Variants in LGR4 observed in about 807,000 individuals in gnomAD.
LGR4 encodes the protein leucine-rich repeat-containing G protein-coupled receptor 4.
In LGR4, 44 loss-of-function variants were observed where a neutral mutation model predicts 84.8. The observed-to-expected ratio is 0.52, with a 90% CI of 0.41 to 0.67. The LOEUF is 0.67. LGR4 is among the 30% of genes least tolerant of loss of function. The pLI is 0.00. For missense variants in LGR4, 1,032 were observed against 1,131.4 expected (o/e 0.91, Z 1.26); for synonymous variants, 429 against 434.3 (o/e 0.99, Z 0.15).
At chr11:27,408,997 A>C (rs1454565943) in intron 2 of LGR4, among the ~76,000 whole-genome samples, 1 of 152,146 alleles carries the variant, frequency 6.6e-6, no homozygotes, top group Non-Finnish European at 1.5e-5. Context: ...GGGGGAGAGC[A>C]GGAATCACTA....
chr11:27,378,779 A>G lies in LGR4; in HGVS notation c.972-11T>C. ...GTACCTGTCAAAGTCCTGCGGAAAAACATTATTCATGTAAGAAATAATTCA... is the reference window on the plus strand; with the variant it reads ...GTACCTGTCAAAGTCCTGCGGAAAAGCATTATTCATGTAAGAAATAATTCA... On this transcript the variant is annotated splice_polypyrimidine_tract_variant and intron_variant, in intron 10 of 17. Coordinates refer to ENST00000379214, the MANE Select transcript of LGR4 (RefSeq NM_018490.5). 6.3e-7 allele frequency: 1 copy of G among 1,594,016 alleles called. No homozygotes were observed. The highest frequency in any genetic ancestry group is 1.1e-5 in the South Asian group (1 of 89,050).
chr11:27,414,716 A>C (rs1021738835), intron 1 of LGR4, among the ~76,000 whole-genome samples: 4 of 152,028 alleles, frequency 2.6e-5, no homozygotes, highest in African/African-American at 9.7e-5. Context: ...TTTTTCATAA[A>C]CACTCTAGCA....
chr11:27,376,477 T>C (rs184132751), intron 12 of LGR4, 107 bp from the exon 13 acceptor site: 32 of 519,716 alleles, frequency 6.2e-5, no homozygotes, highest in Non-Finnish European at 1.1e-4. Context: ...TTACTTTCTA[T>C]TTTGAAAAAT....
intron 16 of LGR4, among the ~76,000 whole-genome samples, chr11:27,371,950 C>G (rs1463753726): frequency 1.3e-5 from 2 of 152,130 alleles, no homozygotes; most frequent in African/African-American, 4.8e-5. Flanking sequence ...ACCTTGAACT[C>G]CTGGGCTCCG....
intron 2 of LGR4, among the ~76,000 whole-genome samples, chr11:27,400,572 G>A (rs543198707): frequency 5.5e-4 from 83 of 151,014 alleles, no homozygotes; most frequent in Non-Finnish European, 8.3e-4. Context: ...GTGCAATCTC[G>A]GCTGACTGCA....
rs753246727 is a variant in LGR4 at position 27,378,772 on chromosome 11, C to A, written c.972-4G>T. 6 of 1,602,240 alleles carry A rather than the reference C, an allele frequency of 3.7e-6. No individual in the cohort carries two copies. Among genetic ancestry groups the A allele is most frequent in the East Asian group, 2.2e-5 (1 of 44,742 alleles). ...TATCTTTGTACCTGTCAAAGTCCTG[C>A]GGAAAAACATTATTCATGTAAGAAA... On this transcript the variant is annotated splice_polypyrimidine_tract_variant and splice_region_variant and intron_variant, in intron 10 of 17. Transcript: ENST00000379214.
rs933532785 is a variant in LGR4, at chr11:27,367,288, A to C, written c.*579T>G. 1 of 152,602 alleles carries C rather than the reference A, an allele frequency of 6.6e-6. No individual in the cohort carries two copies. Among genetic ancestry groups the C allele is most frequent in the African/African-American group, 2.4e-5 (1 of 41,458 alleles). 9.5% of individuals were successfully genotyped at this position (152,602 alleles called of 1,614,324 possible). A position where few individuals can be genotyped will look rare whatever the true frequency, so the allele number is the denominator to read the frequency against. On this transcript the variant is annotated 3_prime_UTR_variant, in exon 18 of 18. Coordinates refer to ENST00000379214, the MANE Select transcript of LGR4 (RefSeq NM_018490.5). Reference sequence around the variant, plus strand: ...AAAAACATCTTCAGGTTTTAGATTTATAAATTGCTTAAACAAAATTTATAG... The same window carrying C: ...AAAAACATCTTCAGGTTTTAGATTTCTAAATTGCTTAAACAAAATTTATAG...
chr11:27,420,387 T>G (rs1051301278), intron 1 of LGR4, among the ~76,000 whole-genome samples: 2 of 152,106 alleles, frequency 1.3e-5, no homozygotes, highest in African/African-American at 4.8e-5. Flanking sequence ...AGACACAGTC[T>G]CTACCCTCAA....
At chr11:27,420,922 A>G (rs1863913705) in intron 1 of LGR4, among the ~76,000 whole-genome samples, 2 of 152,194 alleles carry the variant, frequency 1.3e-5, no homozygotes, top group African/African-American at 4.8e-5. Context: ...CCACCAAGGA[A>G]TTTGATCATT....
chr11:27,454,519 G>A (rs1864537997), intron 1 of LGR4, among the ~76,000 whole-genome samples: 1 of 152,116 alleles, frequency 6.6e-6, no homozygotes, highest in South Asian at 2.1e-4. Flanking sequence ...CAGCACTTTG[G>A]GAGGCCAAGG....
intron 1 of LGR4, among the ~76,000 whole-genome samples, chr11:27,420,019 T>C (rs1212779633): frequency 6.6e-6 from 1 of 152,182 alleles, no homozygotes; most frequent in African/African-American, 2.4e-5. Flanking sequence ...AGTTACACAA[T>C]TGTAGTTTTT....
chr11:27,386,669 A>G (rs1308549650), intron 4 of LGR4, among the ~76,000 whole-genome samples: 1 of 152,086 alleles, frequency 6.6e-6, no homozygotes, highest in Non-Finnish European at 1.5e-5. Flanking sequence ...CCTGGTCCCA[A>G]TTAACTGCTC....
chr11:27,392,578 GAACTTACAAA>G, intron 2 of LGR4, 60 bp from the exon 3 acceptor site: 3 of 1,399,542 alleles, frequency 2.1e-6, no homozygotes, highest in Non-Finnish European at 1.9e-6. Context: ...TTAAAATTCA[GAACTTACAAA>G]AACCTAATCT....
intron 1 of LGR4, among the ~76,000 whole-genome samples, chr11:27,463,643 G>A (rs1490110199): frequency 6.6e-6 from 1 of 151,920 alleles, no homozygotes; most frequent in Non-Finnish European, 1.5e-5. Flanking sequence ...AAAATCAGCC[G>A]GGTGCGGTAG....
intron 9 of LGR4, 134 bp downstream of exon 9, chr11:27,380,506 A>G (rs1590347823): frequency 1.3e-6 from 1 of 758,184 alleles, no homozygotes; most frequent in East Asian, 2.7e-5. Context: ...AAAAATAAGA[A>G]CAATTATAAA....
intron 1 of LGR4, among the ~76,000 whole-genome samples, chr11:27,434,830 G>C (rs1864180191): frequency 6.6e-6 from 1 of 152,154 alleles, no homozygotes; most frequent in South Asian, 2.1e-4. Context: ...CTAAAGAGGG[G>C]AGAGGGGAGG....
chr11:27,388,181 C>T (rs573298640), intron 4 of LGR4, among the ~76,000 whole-genome samples: 45 of 152,172 alleles, frequency 3.0e-4, no homozygotes, highest in South Asian at 1.0e-3. Flanking sequence ...ATGAGAAAAA[C>T]GATTTGTGAT....
At chr11:27,472,088 C>CA in intron 1 of LGR4, 30 bp downstream of exon 1, 1 of 1,284,456 alleles carries the variant, frequency 7.8e-7, no homozygotes, top group African/African-American at 1.6e-5. Context: ...TTTCCTCCCC[C>CA]CCCCTCGCGT....
intron 1 of LGR4, among the ~76,000 whole-genome samples, chr11:27,430,198 T>A (rs551153553): frequency 3.3e-5 from 5 of 152,152 alleles, no homozygotes; most frequent in Admixed American, 6.5e-5. Flanking sequence ...AAAGACACCA[T>A]CACTTAAGTG....
Sources: gnomAD v4.1 joint callset for allele counts (sites outside exome capture counted in the v4.1 genomes callset) on GRCh38, gnomAD v4.1.1 for gene constraint, MANE v1.5 for transcripts, NCBI Gene and HGNC (gene_info 2026-07-23, HGNC 2026-07-21) for gene names.